PDE3A: variants seen among roughly 807,000 people sequenced by gnomAD.
The protein encoded by PDE3A is phosphodiesterase 3A, also known as cGMP-inhibited 3',5'-cyclic phosphodiesterase 3A.
PDE3A carries 43 observed loss-of-function variants against 98.3 expected under a neutral mutation model. That is an observed-to-expected ratio of 0.44 (90% CI 0.34 to 0.56). The LOEUF is 0.56. Among genes scored for constraint, PDE3A ranks in the 20% least tolerant of loss-of-function variants. The pLI, the probability that PDE3A is intolerant of heterozygous loss-of-function variation, is 0.01. For synonymous variants in PDE3A, 663 were observed against 567.9 expected, an observed-to-expected ratio of 1.17 and a Z score of -2.38; for missense variants, 1,427 against 1,440.7, an observed-to-expected ratio of 0.99 and a Z score of 0.15.
intron 2 of PDE3A, among the ~76,000 whole-genome samples, chr12:20,563,465 G>A (rs1389017174): frequency 6.6e-6 from 1 of 152,078 alleles, no homozygotes; most frequent in African/African-American, 2.4e-5. Flanking sequence ...TGTCCGACAT[G>A]TTACCAGGGA....
rs757666454 is a variant in PDE3A, at chr12:20,370,217, C to T, written c.933C>T (p.Thr311=). The change falls in exon 1 of 16, where the codon ACC becomes ACT. Residue 311 remains threonine, a synonymous_variant. Coordinates refer to ENST00000359062, the MANE Select transcript of PDE3A (RefSeq NM_000921.5). ...GCAGCAGCAAGTCCCATCGGAGGAC[C>T]TCCCTGCCCTGTATACCGAGGGAAC... ...SGCSSKSHRR[T]SLPCIPREQL... is the part of the protein sequence containing the mutation. 5.7e-6 allele frequency: 9 copies of T among 1,589,100 alleles called. No homozygotes were observed. Among genetic ancestry groups the T allele is most frequent in the African/African-American group, 4.1e-5 (3 of 73,902 alleles).
intron 2 of PDE3A, among the ~76,000 whole-genome samples, chr12:20,583,205 C>G (rs934977289): frequency 6.6e-6 from 1 of 152,140 alleles, no homozygotes. Context: ...ACACTGGGTA[C>G]AGTATACACT....
At chr12:20,437,759 A>G (rs537484279) in intron 1 of PDE3A, among the ~76,000 whole-genome samples, 1 of 152,270 alleles carries the variant, frequency 6.6e-6, no homozygotes, top group African/African-American at 2.4e-5. Flanking sequence ...TGACAATTCA[A>G]CGTGAGATTT....
intron 4 of PDE3A, among the ~76,000 whole-genome samples, chr12:20,617,532 T>C (rs941519082): frequency 3.3e-5 from 5 of 152,172 alleles, no homozygotes; most frequent in Non-Finnish European, 5.9e-5. Context: ...CAATGATCAA[T>C]ATTTTTCTCT....
chr12:20,457,075 A>T (rs952922581), intron 1 of PDE3A, among the ~76,000 whole-genome samples: 1 of 133,202 alleles, frequency 7.5e-6, no homozygotes, highest in African/African-American at 2.6e-5. Context: ...AAAAACAAAA[A>T]CCACATAAAA....
intron 1 of PDE3A, among the ~76,000 whole-genome samples, chr12:20,528,003 GACT>G (rs1946557561): frequency 1.3e-5 from 2 of 152,020 alleles, no homozygotes; most frequent in Admixed American, 1.3e-4. Flanking sequence ...CTGAGGCTGA[GACT>G]CAGATTGAAA....
chr12:20,614,823 C>T (rs930436957), intron 3 of PDE3A, among the ~76,000 whole-genome samples: 2 of 152,034 alleles, frequency 1.3e-5, no homozygotes, highest in African/African-American at 4.8e-5. Flanking sequence ...TAATTCACTT[C>T]TCAAAATTTT....
intron 1 of PDE3A, among the ~76,000 whole-genome samples, chr12:20,403,910 T>C (rs576002104): frequency 4.8e-4 from 73 of 152,184 alleles, no homozygotes; most frequent in African/African-American, 1.7e-3. Flanking sequence ...TTAGACATGG[T>C]AGGCACTCAA....
chr12:20,540,946 A>G (rs1195890441), intron 1 of PDE3A, among the ~76,000 whole-genome samples: 7 of 151,940 alleles, frequency 4.6e-5, no homozygotes, highest in Non-Finnish European at 1.0e-4. Flanking sequence ...TTTAAATCAT[A>G]TACTTTCTTT....
intron 1 of PDE3A, among the ~76,000 whole-genome samples, chr12:20,443,857 C>G (rs1470730728): frequency 6.6e-6 from 1 of 152,146 alleles, no homozygotes; most frequent in Non-Finnish European, 1.5e-5. Context: ...GTTTAAAACT[C>G]CCTCTGAATG....
intron 1 of PDE3A, among the ~76,000 whole-genome samples, chr12:20,536,147 A>C (rs1419126654): frequency 2.0e-5 from 3 of 152,150 alleles, no homozygotes; most frequent in Admixed American, 2.0e-4. Context: ...TCATACATAT[A>C]CTTATCACTT....
chr12:20,625,790 C>T (rs1336864717), intron 5 of PDE3A, among the ~76,000 whole-genome samples: 2 of 152,148 alleles, frequency 1.3e-5, no homozygotes, highest in African/African-American at 2.4e-5. Context: ...GGCCGAATTA[C>T]TCAAAGGAGT....
chr12:20,427,184 A>T (rs568874694), intron 1 of PDE3A, among the ~76,000 whole-genome samples: 2 of 152,286 alleles, frequency 1.3e-5, no homozygotes, highest in Non-Finnish European at 2.9e-5. Flanking sequence ...TTGATACAGG[A>T]CTCATTGAAT....
In PDE3A at chr12:20,534,016, T is replaced by A. The variant is rs149030888; in HGVS notation, c.961-22644T>A. Among the ~76,000 whole-genome samples the A allele has an allele frequency of 1.4e-4, 21 of 152,242 alleles. No homozygotes were observed. In the South Asian group the frequency reaches 2.7e-3, roughly 20 times the overall value. On this transcript the variant is annotated intron_variant, in intron 1 of 15. Transcript: ENST00000359062. ...ACATTCTTAGCATCTGCCAGGGGTGTTCCATATACCTGGCATGATCCTCCA... is the reference window on the plus strand; with the variant it reads ...ACATTCTTAGCATCTGCCAGGGGTGATCCATATACCTGGCATGATCCTCCA...
rs1213483027 is a variant in PDE3A at position 20,681,259 on chromosome 12, C to T, written c.*988C>T. 2.0e-5 allele frequency: 3 copies of T among 152,158 alleles called. No individual in the cohort carries two copies. Among genetic ancestry groups the T allele is most frequent in the Non-Finnish European group, 4.4e-5 (3 of 68,040 alleles). The allele number at this position is 152,158 out of a possible 1,614,324, so 9.4% of individuals were successfully genotyped here. ...GTCTATGAGTATGGATGTCACTCAACTAAGATCAAATCACCATTTAAGGGG... is the reference window on the plus strand; with the variant it reads ...GTCTATGAGTATGGATGTCACTCAATTAAGATCAAATCACCATTTAAGGGG... On this transcript the variant is annotated 3_prime_UTR_variant, in exon 16 of 16. Transcript: ENST00000359062.
chr12:20,493,048 T>G (rs895430709), intron 1 of PDE3A, among the ~76,000 whole-genome samples: 7 of 152,170 alleles, frequency 4.6e-5, no homozygotes, highest in South Asian at 2.1e-4. Context: ...ATAGGGTTAT[T>G]ATGAGAGTTA....
chr12:20,648,622 A>G (rs1293573489), intron 12 of PDE3A, 66 bp from the exon 13 acceptor site: 16 of 1,002,604 alleles, frequency 1.6e-5, no homozygotes, highest in Non-Finnish European at 2.2e-5. Flanking sequence ...AAAGCATTGC[A>G]TATTCTCATG....
chr12:20,577,980 A>C (rs1466972175), intron 2 of PDE3A, among the ~76,000 whole-genome samples: 1 of 152,100 alleles, frequency 6.6e-6, no homozygotes, highest in African/African-American at 2.4e-5. Context: ...AATTTACCAG[A>C]GTGGGAGAGG....
rs1945752625 is a variant in PDE3A, at chr12:20,680,541, C to T, written c.*270C>T. On this transcript the variant is annotated 3_prime_UTR_variant, in exon 16 of 16. Coordinates refer to ENST00000359062, the MANE Select transcript of PDE3A (RefSeq NM_000921.5). ...ATGTGTGTGTGTATATAAGCTCCCACATAGATACATGTAAAACATATTCAC... is the reference window on the plus strand; with the variant it reads ...ATGTGTGTGTGTATATAAGCTCCCATATAGATACATGTAAAACATATTCAC... The T allele has an allele frequency of 5.6e-6, 2 of 357,804 alleles. No individual in the cohort carries two copies. Among genetic ancestry groups the T allele is most frequent in the East Asian group, 1.1e-4 (2 of 19,028 alleles). The allele number at this position is 357,804 out of a possible 1,614,324, so 22.2% of individuals were successfully genotyped here.
Sources: allele counts gnomAD v4.1 joint callset (sites outside exome capture counted in the v4.1 genomes callset), GRCh38; gene constraint gnomAD v4.1.1; transcripts MANE v1.5; gene names NCBI Gene and HGNC (gene_info 2026-07-23, HGNC 2026-07-21).